The following OSBPL9 variants were observed in gnomAD, a reference collection of about 807,000 sequenced individuals.
OSBPL9 encodes oxysterol binding protein like 9, also known as oxysterol-binding protein-related protein 9.
OSBPL9 carries 40 observed loss-of-function variants against 106.6 expected under a neutral mutation model. The observed-to-expected ratio is 0.38, with a 90% confidence interval of 0.29 to 0.49. The LOEUF is 0.49. Ranked by LOEUF, OSBPL9 falls within the 20% of genes least tolerant of loss-of-function variation. The pLI, the probability that OSBPL9 is intolerant of heterozygous loss-of-function variation, is 0.97. For missense variants in OSBPL9, 609 were observed against 887.2 expected (o/e 0.69, Z 3.98); for synonymous variants, 269 against 295.4 (o/e 0.91, Z 0.92).
intron 14 of OSBPL9, among the ~76,000 whole-genome samples, chr1:51,775,262 A>G (rs1039685839): frequency 3.3e-5 from 5 of 151,698 alleles, no homozygotes; most frequent in African/African-American, 9.7e-5. Flanking sequence ...AGCCCACTTT[A>G]TATTTTCATT....
intron 2 of OSBPL9, among the ~76,000 whole-genome samples, chr1:51,610,643 A>C (rs750551753): frequency 3.9e-5 from 6 of 152,226 alleles, no homozygotes; most frequent in Non-Finnish European, 5.9e-5. Flanking sequence ...TTTATTCAAG[A>C]AAGTGGCTTG....
chr1:51,784,460 C>T lies in OSBPL9; in HGVS notation c.1707C>T (p.Pro569=). The change falls in exon 20 of 24, where the codon CCC becomes CCT. Residue 569 remains proline, a synonymous_variant. Coordinates refer to ENST00000428468, the MANE Select transcript of OSBPL9 (RefSeq NM_024586.6). ...TTTGCAGGTCTATCCTCACAGTGCC[C>T]TGGGTGGAATTAGGAGGAGAATGCA... ...NGYGRSILTV[P]WVELGGECNI... is the part of the protein sequence containing the mutation. 6.2e-7 allele frequency: 1 copy of T among 1,614,138 alleles called. No homozygotes were observed. Among genetic ancestry groups the T allele is most frequent in the Non-Finnish European group, 8.5e-7 (1 of 1,179,988 alleles).
chr1:51,728,448 A>G (rs1415457040), intron 4 of OSBPL9, among the ~76,000 whole-genome samples: 2 of 152,138 alleles, frequency 1.3e-5, no homozygotes, highest in East Asian at 3.8e-4. Context: ...GAACTTGGTG[A>G]TGCACTGAAT....
chr1:51,785,720 C>T, intron 20 of OSBPL9, 88 bp from the exon 21 acceptor site: 1 of 1,115,414 alleles, frequency 9.0e-7, no homozygotes, highest in Non-Finnish European at 1.4e-6. Flanking sequence ...CTCTTCTGTG[C>T]TCTACTCTGT....
rs770887129 is a variant in OSBPL9 at position 51,782,662 on chromosome 1, C to T, written c.1513+19C>T. ...CCACCCAGTAAGTTACAGAGCTCCT[C>T]TGCAACCTGTGCTCTCAAAACTATT... On this transcript the variant is annotated intron_variant, in intron 17 of 23. Coordinates refer to ENST00000428468, the MANE Select transcript of OSBPL9 (RefSeq NM_024586.6). The T allele has an allele frequency of 4.4e-6, 7 of 1,607,914 alleles. No homozygotes were observed. The highest frequency in any genetic ancestry group is 6.0e-6 in the Non-Finnish European group (7 of 1,174,664).
At chr1:51,565,543 T>C in the OSBPL9 span, 1 of 152,238 alleles carries the variant, frequency 6.6e-6, no homozygotes, top group Non-Finnish European at 1.5e-5. Flanking sequence ...TATTTTTTAT[T>C]AGCTCATTTA....
At chr1:51,542,320 G>A in the OSBPL9 span, among the ~76,000 whole-genome samples, 1 of 152,158 alleles carries the variant, frequency 6.6e-6, no homozygotes. Flanking sequence ...CTATGCCTAA[G>A]GTCCCACACA....
upstream of OSBPL9, among the ~76,000 whole-genome samples, chr1:51,575,217 T>C (rs1645176230): frequency 6.6e-6 from 1 of 152,166 alleles, no homozygotes; most frequent in African/African-American, 2.4e-5. Flanking sequence ...TTTCATTTTT[T>C]TGAGACGGAG....
the OSBPL9 span, among the ~76,000 whole-genome samples, chr1:51,552,719 G>C: frequency 1.4e-4 from 21 of 151,928 alleles, no homozygotes; most frequent in Non-Finnish European, 2.9e-4. Flanking sequence ...CCGCCTCCCA[G>C]GTTCAAGTGA....
chr1:51,771,185 TGATTA>T (rs1673804009), intron 12 of OSBPL9, among the ~76,000 whole-genome samples: 1 of 152,232 alleles, frequency 6.6e-6, no homozygotes, highest in South Asian at 2.1e-4. Flanking sequence ...GGGCAAATTA[TGATTA>T]GATTAGAATA....
Position 51,634,728 on chromosome 1 carries a change from C to T in OSBPL9, c.112-17263C>T, listed in dbSNP as rs546012221. On this transcript the variant is annotated intron_variant, in intron 1 of 23. Coordinates refer to ENST00000428468, the MANE Select transcript of OSBPL9 (RefSeq NM_024586.6). ...ATGGTGTATTAGTCTGTTCTCACGC[C>T]GCTGACAGAGCCATACCTGAGACTG... 2.6e-5 allele frequency among the ~76,000 whole-genome samples: 4 copies of T among 152,138 alleles called. No individual in the cohort carries two copies. In the South Asian group the frequency reaches 8.3e-4, roughly 32 times the overall value.
At chr1:51,565,153 C>T in the OSBPL9 span, among the ~76,000 whole-genome samples, 1 of 152,296 alleles carries the variant, frequency 6.6e-6, no homozygotes, top group East Asian at 1.9e-4. Flanking sequence ...TGGTCCCATG[C>T]TGACCCCTGC....
chr1:51,733,809 A>G (rs1665030134), intron 4 of OSBPL9, among the ~76,000 whole-genome samples: 1 of 152,036 alleles, frequency 6.6e-6, no homozygotes, highest in Non-Finnish European at 1.5e-5. Flanking sequence ...GCAGACTTCC[A>G]GGACTCCCCA....
chr1:51,563,283 T>C, the OSBPL9 span, among the ~76,000 whole-genome samples: 1 of 152,204 alleles, frequency 6.6e-6, no homozygotes, highest in African/African-American at 2.4e-5. Flanking sequence ...ATGGACACCC[T>C]TTCTCCTTCT....
chr1:51,765,789 A>T (rs375327350), intron 11 of OSBPL9, 33 bp from the exon 12 acceptor site: 2 of 1,559,696 alleles, frequency 1.3e-6, no homozygotes, highest in South Asian at 2.4e-5. Flanking sequence ...TCTTTCACCA[A>T]TATTTTTCTC....
intron 1 of OSBPL9, among the ~76,000 whole-genome samples, chr1:51,635,793 A>G (rs1214175025): frequency 2.6e-5 from 4 of 152,100 alleles, no homozygotes; most frequent in African/African-American, 9.7e-5. Context: ...CGACAATGTT[A>G]TAGGCCACTA....
intron 1 of OSBPL9, among the ~76,000 whole-genome samples, chr1:51,587,803 A>T (rs1158701391): frequency 6.6e-6 from 1 of 151,960 alleles, no homozygotes; most frequent in East Asian, 1.9e-4. Flanking sequence ...ATGTAACCCA[A>T]CCCTGCTGTA....
intron 3 of OSBPL9, among the ~76,000 whole-genome samples, chr1:51,702,619 C>A (rs913468630): frequency 1.3e-5 from 2 of 152,138 alleles, no homozygotes; most frequent in Non-Finnish European, 2.9e-5. Flanking sequence ...ATGGTAGTTT[C>A]TTTTGCTGTG....
chr1:51,587,504 T>A (rs1273185645), intron 1 of OSBPL9, among the ~76,000 whole-genome samples: 1 of 152,248 alleles, frequency 6.6e-6, no homozygotes, highest in Non-Finnish European at 1.5e-5. Context: ...CCCATCCCAT[T>A]TCTTTTTAGT....
Sources: allele counts gnomAD v4.1 joint callset (sites outside exome capture counted in the v4.1 genomes callset), GRCh38; gene constraint gnomAD v4.1.1; transcripts MANE v1.5; gene names NCBI Gene and HGNC (gene_info 2026-07-23, HGNC 2026-07-21).